The following IDUA variants were observed in gnomAD, a reference collection of about 807,000 sequenced individuals.
IDUA encodes alpha-L-iduronidase.
In IDUA, 65 loss-of-function variants were observed where a neutral mutation model predicts 68.9. The ratio of observed to expected loss-of-function variants is 0.94; its 90% confidence interval spans 0.77 to 1.16. The LOEUF (loss-of-function observed/expected upper bound fraction) is 1.16, where lower values mean the gene tolerates loss of function less well. Among genes scored for constraint, IDUA ranks in the 50% most tolerant of loss-of-function variants. The pLI, the probability that IDUA is intolerant of heterozygous loss-of-function variation, is 0.00. For missense variants in IDUA, 1,046 were observed against 938.0 expected (o/e 1.12, Z -1.50); for synonymous variants, 529 against 433.6 (o/e 1.22, Z -2.73).
chr4:989,023 G>A, intron 2 of IDUA: 6 of 1,585,946 alleles, frequency 3.8e-6, no homozygotes, highest in Non-Finnish European at 5.1e-6. Flanking sequence ...GATGCCCAGG[G>A]CCCCGTAGTC....
In IDUA at chr4:1,003,167, C is replaced by A; in HGVS notation, c.1524+10C>A. 1 of 1,349,560 alleles carries A rather than the reference C, an allele frequency of 7.4e-7. No individual in the cohort carries two copies. Among genetic ancestry groups the A allele is most frequent in the South Asian group, 1.8e-5 (1 of 54,846 alleles). 83.6% of individuals were successfully genotyped at this position (1,349,560 alleles called of 1,614,324 possible). On this transcript the variant is annotated intron_variant, in intron 10 of 13. Transcript: ENST00000514224. ...CATGCGCGCGGCTGAGGTAGGTGGG[C>A]CGCGGAGGGGCGAGGGGCCGGGCCG...
At chr4:1,002,661 A>G in intron 8 of IDUA, 71 bp from the exon 9 acceptor site, 1 of 1,224,586 alleles carries the variant, frequency 8.2e-7, no homozygotes. Flanking sequence ...GAGTGGTGGG[A>G]GGCCCGGCCC....
In IDUA at chr4:1,001,646, G is replaced by A. The variant is rs201029971; in HGVS notation, c.590-33G>A. 7 of 1,605,848 alleles carry A rather than the reference G, an allele frequency of 4.4e-6. No homozygotes were observed. In the East Asian group the frequency reaches 1.3e-4, roughly 31 times the overall value. On this transcript the variant is annotated intron_variant, in intron 5 of 13. Coordinates refer to ENST00000514224, the MANE Select transcript of IDUA (RefSeq NM_000203.5). Reference sequence around the variant, plus strand: ...CAGAGGCTAAGCCGCTCATCCCCAGGGCAGGTGTAGACGCAGTGCTCCCCC... The same window carrying A: ...CAGAGGCTAAGCCGCTCATCCCCAGAGCAGGTGTAGACGCAGTGCTCCCCC...
rs77305844 is a variant in IDUA, at chr4:991,073, A to G, written c.299+3124A>G. ...CCAGCCTTGCCCTCGTGGATGGCCA[A>G]AACCTAAGGGGGGGTGCCCTGGGCC... On this transcript the variant is annotated intron_variant, in intron 2 of 13. Transcript: ENST00000514224. 10,589 of 1,492,106 alleles carry G rather than the reference A, an allele frequency of 7.1e-3. 205 individuals carry two copies. In the Admixed American group the frequency reaches 0.081, roughly 11 times the overall value. The allele number at this position is 1,492,106 out of a possible 1,614,324, so 92.4% of individuals were successfully genotyped here.
chr4:994,377 G>A (rs570442932), intron 2 of IDUA, among the ~76,000 whole-genome samples: 382 of 151,818 alleles, frequency 2.5e-3, no homozygotes, highest in African/African-American at 8.8e-3. Context: ...CTGGGTTCAC[G>A]CCATTCTCCT....
chr4:1,001,294 C>A, intron 4 of IDUA, 174 bp from the exon 5 acceptor site: 1 of 693,400 alleles, frequency 1.4e-6, no homozygotes, highest in South Asian at 1.6e-5. Context: ...GGCCGCCGCC[C>A]AGGTCTTGGA....
At chr4:990,655 G>A in intron 2 of IDUA, 1 of 474,670 alleles carries the variant, frequency 2.1e-6, no homozygotes, top group South Asian at 3.0e-5. Context: ...TCAGAATTAA[G>A]ACCTCTGGTA....
intron 2 of IDUA, chr4:991,190 C>G (rs755127826): frequency 3.8e-6 from 6 of 1,594,008 alleles, no homozygotes; most frequent in Middle Eastern, 1.7e-4. Flanking sequence ...CAGTCACGCC[C>G]GCAGTCCAGC....
At position 987,790 on chromosome 4, in the gene IDUA, G is replaced by A. The variant is rs375799555; in HGVS notation, c.159-19G>A. 2.5e-5 allele frequency: 41 copies of A among 1,611,576 alleles called. No homozygotes were observed. The highest frequency in any genetic ancestry group is 3.3e-5 in the Admixed American group (2 of 59,954). On this transcript the variant is annotated intron_variant, in intron 1 of 13. Transcript: ENST00000514224. ...CCATGCTGAGGCTCGGGACTGAGCCGCCCCTTTGTTGTCCCCAGCCCCCCG... is the reference window on the plus strand; with the variant it reads ...CCATGCTGAGGCTCGGGACTGAGCCACCCCTTTGTTGTCCCCAGCCCCCCG...
Position 1,004,067 on chromosome 4 carries a change from G to A in IDUA, c.1783G>A (p.Val595Ile), listed in dbSNP as rs955174168. Reference protein sequence around the residue: ...FSQDGKAYTPVSRKPSTFNLF... With the variant: ...FSQDGKAYTPISRKPSTFNLF... ...TCAGGACGGTAAGGCGTACACCCCG[G>A]TCAGCAGGAAGCCATCGACCTTCAA... The change falls in exon 13 of 14, where the codon GTC (valine) becomes ATC (isoleucine). Residue 595 changes from valine (V) to isoleucine (I), a missense_variant. Coordinates refer to ENST00000514224, the MANE Select transcript of IDUA (RefSeq NM_000203.5). This position sits in a 1 kb window ranked among gnomAD's most constrained non-coding sequence, Gnocchi z 5.0. 1 of 1,612,440 alleles carries A rather than the reference G, an allele frequency of 6.2e-7. No individual in the cohort carries two copies. Among genetic ancestry groups the A allele is most frequent in the Non-Finnish European group, 8.5e-7 (1 of 1,179,758 alleles).
chr4:1,002,492 CG>C lies in IDUA; in HGVS notation c.1189+11del. 1 of 1,526,560 alleles carries C rather than the reference CG, an allele frequency of 6.6e-7. No homozygotes were observed. Among genetic ancestry groups the C allele is most frequent in the African/African-American group, 1.4e-5 (1 of 71,728 alleles). 94.6% of individuals were successfully genotyped at this position (1,526,560 alleles called of 1,614,324 possible). A position where few individuals can be genotyped will look rare whatever the true frequency, so the allele number is the denominator to read the frequency against. ...GGGCTGCTGGCGCTGCTGGGTGAGC[CG>C]GGGCCGCTGGGGTGGGCCGGCCAGG... On this transcript the variant is annotated splice_region_variant and intron_variant, in intron 8 of 13. Coordinates refer to ENST00000514224, the MANE Select transcript of IDUA (RefSeq NM_000203.5).
rs866656054 is a variant in IDUA at position 1,000,909 on chromosome 4, G to A, written c.413G>A (p.Gly138Asp). 3.1e-6 allele frequency: 5 copies of A among 1,613,468 alleles called. No homozygotes were observed. Among genetic ancestry groups the A allele is most frequent in the Middle Eastern group, 1.6e-4 (1 of 6,062 alleles). The change falls in exon 4 of 14, where the codon GGC becomes GAC. Residue 138 changes from glycine (G) to aspartate (D), a missense_variant. By Grantham distance (94) the Gly-to-Asp change is moderately conservative (BLOSUM62 -1). Coordinates refer to ENST00000514224, the MANE Select transcript of IDUA (RefSeq NM_000203.5). ...TTTGAGCTGATGGGCAGCGCCTCGG[G>A]CCACTTCACTGACTTTGAGGACAAG... is the stretch of plus-strand genomic sequence containing the variant. ...PGFELMGSAS[G>D]HFTDFEDKQQ...
chr4:990,514 A>G, intron 2 of IDUA: 1 of 742,336 alleles, frequency 1.3e-6, no homozygotes, highest in Admixed American at 2.9e-5. Context: ...GACTCCTCAC[A>G]CGGGCCTGAG....
chr4:1,000,228 T>G (rs1025752892), intron 2 of IDUA, among the ~76,000 whole-genome samples: 4 of 152,148 alleles, frequency 2.6e-5, no homozygotes, highest in African/African-American at 9.7e-5. Context: ...GGAGGGGAAA[T>G]GGGGCACTCC....
Position 1,001,543 on chromosome 4 carries a change from AC to A in IDUA, c.570del (p.Asn190LysfsTer4), listed in dbSNP as rs1330366594. ...GAGCCAGACCACCACGACTTTGACA[AC>A]GTCTCCATGACCATGCAAGGTGTGC... ...WNEPDHHDFD[N>X]VSMTMQGFLN... is the part of the protein sequence containing the mutation. On this transcript the variant is annotated frameshift_variant, in exon 5 of 14. Coordinates refer to ENST00000514224, the MANE Select transcript of IDUA (RefSeq NM_000203.5). LOFTEE classifies it high-confidence loss of function. 9 of 1,613,182 alleles carry A rather than the reference AC, an allele frequency of 5.6e-6. No individual in the cohort carries two copies. Among genetic ancestry groups the A allele is most frequent in the Non-Finnish European group, 7.6e-6 (9 of 1,179,946 alleles).
chr4:1,004,491 A>G lies in IDUA; in HGVS notation c.*98A>G. On this transcript the variant is annotated 3_prime_UTR_variant, in exon 14 of 14. Transcript: ENST00000514224. This position sits in a 1 kb window ranked among gnomAD's most constrained non-coding sequence, Gnocchi z 5.0. ...GCCCTCCCATCACCCCCTTTGCAAT[A>G]TATTTTTATATTTTATTATTTTCTT... 4.3e-6 allele frequency: 5 copies of G among 1,154,600 alleles called. No individual in the cohort carries two copies. The highest frequency in any genetic ancestry group is 1.5e-5 in the South Asian group (1 of 68,930). The allele number at this position is 1,154,600 out of a possible 1,614,324, so 71.5% of individuals were successfully genotyped here.
Position 1,004,324 on chromosome 4 carries a change from C to T in IDUA, c.1893C>T (p.Pro631=). 1 of 1,611,844 alleles carries T rather than the reference C, an allele frequency of 6.2e-7. No homozygotes were observed. Among genetic ancestry groups the T allele is most frequent in the South Asian group, 1.1e-5 (1 of 91,078 alleles). Residue 631 remains proline (P), a synonymous_variant, in exon 14 of 14, where the codon CCC becomes CCT. Coordinates refer to ENST00000514224, the MANE Select transcript of IDUA (RefSeq NM_000203.5). The surrounding 1 kb of genome is among the most constrained non-coding windows in gnomAD (Gnocchi z 5.0). ...TGGACTACTGGGCCCGACCAGGCCCCTTCTCGGACCCTGTGCCGTACCTGG... is the reference window on the plus strand; with the variant it reads ...TGGACTACTGGGCCCGACCAGGCCCTTTCTCGGACCCTGTGCCGTACCTGG... The part of the protein sequence containing the change: ...RALDYWARPG[P]FSDPVPYLEV...
chr4:988,930 G>A lies in IDUA; in HGVS notation c.299+981G>A, dbSNP rs200069949. ...GAGGAACAGCTGCTCCTCCTCAGCC[G>A]TGTCCCCGGGGCCCTCCCCGAGGAA... On this transcript the variant is annotated intron_variant, in intron 2 of 13. Coordinates refer to ENST00000514224, the MANE Select transcript of IDUA (RefSeq NM_000203.5). 1.0e-4 allele frequency: 162 copies of A among 1,600,346 alleles called. No homozygotes were observed. The East Asian group carries it at 2.6e-3, about 26-fold the overall frequency.
In IDUA at chr4:1,000,593, G is replaced by A. The variant is rs774712987; in HGVS notation, c.300-19G>A. ...CTGTGTGGGCACCCTGCTTCCTGAC[G>A]CTGACCGTCCTTCTGCAGGGGGTCC... On this transcript the variant is annotated intron_variant, in intron 2 of 13. Coordinates refer to ENST00000514224, the MANE Select transcript of IDUA (RefSeq NM_000203.5). The A allele has an allele frequency of 2.9e-5, 47 of 1,602,312 alleles. No homozygotes were observed. Among genetic ancestry groups the A allele is most frequent in the Non-Finnish European group, 3.7e-5 (43 of 1,170,464 alleles).
Sources: allele counts gnomAD v4.1 joint callset (sites outside exome capture counted in the v4.1 genomes callset), GRCh38; gene constraint gnomAD v4.1.1; non-coding constraint Gnocchi (gnomAD v3.1); transcripts MANE v1.5; gene names NCBI Gene and HGNC (gene_info 2026-07-23, HGNC 2026-07-21).